The following ZNF66 variants were observed in gnomAD, a reference collection of about 807,000 sequenced individuals.
ZNF66 encodes zinc finger protein 66, also known as putative zinc finger protein 66.
ZNF66 carries 32 observed loss-of-function variants against 35.2 expected under a neutral mutation model. The ratio of observed to expected loss-of-function variants is 0.91; its 90% CI spans 0.69 to 1.22. ZNF66 has a LOEUF of 1.22. Among genes scored for constraint, ZNF66 ranks in the 50% most tolerant of loss-of-function variants. ZNF66 has a pLI of 0.00. For synonymous variants in ZNF66, 231 were observed against 181.3 expected (o/e 1.27, Z -2.20); for missense variants, 666 against 543.1 (o/e 1.23, Z -2.25).
chr19:20,803,289 GTC>G (rs1971467705), intron 3 of ZNF66, among the ~76,000 whole-genome samples: 1 of 148,584 alleles, frequency 6.7e-6, no homozygotes, highest in South Asian at 2.1e-4. Context: ...TTGTGTCTTT[GTC>G]TCTCATTTTC....
rs552864159 is a variant in ZNF66, at chr19:20,808,626, G to A, written c.*1304G>A. Among the ~76,000 whole-genome samples the A allele has an allele frequency of 9.9e-5, 15 of 152,260 alleles. 1 individual carries two copies. The South Asian group carries it at 3.1e-3, about 32-fold the overall frequency. On this transcript the variant is annotated 3_prime_UTR_variant, in exon 4 of 4. Coordinates refer to ENST00000344519, the MANE Select transcript of ZNF66 (RefSeq NM_001355197.2). ...TCTAGCAAACTCCAACAGACCTGCA[G>A]CTGAGGGTCCTGTCTGTTAGAAGGA...
intron 3 of ZNF66, chr19:20,794,406 C>G (rs2081889): frequency 0.13 from 19,926 of 151,356 alleles, 1,541 homozygotes; most frequent in African/African-American, 0.2. Flanking sequence ...TCTTTTTCCT[C>G]AAGATTGCTT....
rs868477346 is a variant in ZNF66 at position 20,807,747 on chromosome 19, T to C, written c.*425T>C. On this transcript the variant is annotated 3_prime_UTR_variant, in exon 4 of 4. Transcript: ENST00000344519. Reference sequence around the variant, plus strand: ...GGGGGGTGGAGCCAAGATGGCTGAATAGGTACAGCTCCTGTCTACAGCTCC... The same window carrying C: ...GGGGGGTGGAGCCAAGATGGCTGAACAGGTACAGCTCCTGTCTACAGCTCC... Among the ~76,000 whole-genome samples the C allele has an allele frequency of 3.6e-4, 55 of 152,128 alleles. No homozygotes were observed. The highest frequency in any genetic ancestry group is 3.4e-3 in the Middle Eastern group (1 of 294).
rs765240708 is a variant in ZNF66, at chr19:20,806,398, T to TAA, written c.799_800dup (p.Arg268SerfsTer39). ...AATGTGAAGAATGTGGCAAGGCCTT[T>TAA]AAGCGCTCCTCTATCCTTACTACAC... On this transcript the variant is annotated frameshift_variant, in exon 4 of 4. Transcript: ENST00000344519. LOFTEE classifies it high-confidence loss of function. The TAA allele has an allele frequency of 3.2e-6, 5 of 1,567,664 alleles. No individual in the cohort carries two copies. In the African/African-American group the frequency reaches 6.7e-5, roughly 21 times the overall value.
chr19:20,789,845 G>GT (rs541150511), intron 1 of ZNF66, among the ~76,000 whole-genome samples: 101 of 152,294 alleles, frequency 6.6e-4, no homozygotes, highest in African/African-American at 2.4e-3. Context: ...TGAGCACACA[G>GT]TATCTGTTTA....
At chr19:20,801,358 T>TATTTTATTTTATTTTA (rs1971445918) in intron 3 of ZNF66, among the ~76,000 whole-genome samples, 1 of 152,066 alleles carries the variant, frequency 6.6e-6, no homozygotes, top group East Asian at 1.9e-4. Flanking sequence ...TATTTTATTT[T>TATTTTATTTTATTTTA]TTGAGATGGA....
In ZNF66 at chr19:20,807,436, A is replaced by G. The variant is rs992230757; in HGVS notation, c.*114A>G. On this transcript the variant is annotated 3_prime_UTR_variant, in exon 4 of 4. Coordinates refer to ENST00000344519, the MANE Select transcript of ZNF66 (RefSeq NM_001355197.2). Reference sequence around the variant, plus strand: ...CTATCAACTTTTACTAAATATGAGAATTTATGGAACACAAACACTACAAAT... The same window carrying G: ...CTATCAACTTTTACTAAATATGAGAGTTTATGGAACACAAACACTACAAAT... 1.8e-6 allele frequency: 1 copy of G among 548,562 alleles called. No individual in the cohort carries two copies. Among genetic ancestry groups the G allele is most frequent in the East Asian group, 2.9e-5 (1 of 34,624 alleles). The allele number at this position is 548,562 out of a possible 1,614,324, so 34.0% of individuals were successfully genotyped here. A position where few individuals can be genotyped will look rare whatever the true frequency, so the allele number is the denominator to read the frequency against.
intron 1 of ZNF66, among the ~76,000 whole-genome samples, chr19:20,781,883 G>A (rs1175185544): frequency 1.3e-5 from 2 of 151,744 alleles, no homozygotes; most frequent in East Asian, 3.9e-4. Flanking sequence ...TTTTTTAATG[G>A]CCACAGAGTA....
chr19:20,777,223 T>TTG (rs1465855057), intron 1 of ZNF66, among the ~76,000 whole-genome samples: 1 of 151,974 alleles, frequency 6.6e-6, no homozygotes, highest in Non-Finnish European at 1.5e-5. Flanking sequence ...AGTTTGTAGT[T>TTG]TGTGGTCCAT....
chr19:20,806,714 G>A lies in ZNF66; in HGVS notation c.1114G>A (p.Glu372Lys). The change falls in exon 4 of 4, where the codon GAA becomes AAA. Residue 372 changes from glutamate (E) to lysine (K), a missense_variant. Physicochemically the swap from Glu to Lys is moderately conservative, Grantham distance 56. Coordinates refer to ENST00000344519, the MANE Select transcript of ZNF66 (RefSeq NM_001355197.2). ...TACTGGAGAGAAACCCTACAAATGT[G>A]AAGAATGTGGTGAAGCCTTTAAGTA... Reference protein sequence around the residue: ...IHTGEKPYKCEECGEAFKYSC... With the variant: ...IHTGEKPYKCKECGEAFKYSC... 1 of 1,440,488 alleles carries A rather than the reference G, an allele frequency of 6.9e-7. No individual in the cohort carries two copies. 89.2% of individuals were successfully genotyped at this position (1,440,488 alleles called of 1,614,324 possible).
chr19:20,784,700 A>G (rs1396509846), intron 1 of ZNF66: 2 of 152,232 alleles, frequency 1.3e-5, no homozygotes, highest in Non-Finnish European at 2.9e-5. Flanking sequence ...ACTTTATAAA[A>G]TTATTCTTTC....
chr19:20,791,496 A>AAAAAAAAG (rs1568496132), intron 1 of ZNF66, among the ~76,000 whole-genome samples: 1 of 149,606 alleles, frequency 6.7e-6, no homozygotes, highest in Non-Finnish European at 1.5e-5. Context: ...AAAAAAAAAA[A>AAAAAAAAG]AAAAAAAAAG....
At chr19:20,803,536 T>C (rs62125623) in intron 3 of ZNF66, among the ~76,000 whole-genome samples, 14,297 of 149,656 alleles carry the variant, frequency 0.096, 771 homozygotes, top group Middle Eastern at 0.14. Context: ...ATATTTTTTA[T>C]GTTTGTATAT....
intron 3 of ZNF66, among the ~76,000 whole-genome samples, chr19:20,797,189 A>ATTTTTTTTTTTTTTTTT (rs142052913): frequency 6.6e-5 from 3 of 45,480 alleles, no homozygotes; most frequent in Non-Finnish European, 8.3e-5. Flanking sequence ...TGCATGCTAG[A>ATTTTTTTTTTTTTTTTT]TTTTTTTTTT....
At position 20,808,334 on chromosome 19, in the gene ZNF66, AGCTTT is replaced by A. The variant is rs1333356159; in HGVS notation, c.*1014_*1018del. Among the ~76,000 whole-genome samples, 1 of 152,234 alleles carries A rather than the reference AGCTTT, an allele frequency of 6.6e-6. No individual in the cohort carries two copies. Among genetic ancestry groups the A allele is most frequent in the Non-Finnish European group, 1.5e-5 (1 of 68,042 alleles). ...GCAGACTTAAACGTCCCTGTCTGAC[AGCTTT>A]GAAGAGAGTAGTGGTTCTCCCAGCA... On this transcript the variant is annotated 3_prime_UTR_variant, in exon 4 of 4. Coordinates refer to ENST00000344519, the MANE Select transcript of ZNF66 (RefSeq NM_001355197.2).
Position 20,809,448 on chromosome 19 carries a change from C to T in ZNF66, c.*2126C>T, listed in dbSNP as rs936453174. Among the ~76,000 whole-genome samples the T allele has an allele frequency of 2.0e-5, 3 of 152,092 alleles. No homozygotes were observed. Among genetic ancestry groups the T allele is most frequent in the Non-Finnish European group, 2.9e-5 (2 of 68,026 alleles). ...CCAGAGAGAAAGGTCGGGTTACCCACAAAGGGAAGCCCATCAGACTCACAG... is the reference window on the plus strand; with the variant it reads ...CCAGAGAGAAAGGTCGGGTTACCCATAAAGGGAAGCCCATCAGACTCACAG... On this transcript the variant is annotated 3_prime_UTR_variant, in exon 4 of 4. Transcript: ENST00000344519.
intron 2 of ZNF66, 47 bp from the exon 3 acceptor site, chr19:20,793,736 T>C: frequency 2.9e-6 from 2 of 697,718 alleles, no homozygotes; most frequent in South Asian, 3.4e-5. Flanking sequence ...TAGCTTGTAA[T>C]TGGAGAATGT....
chr19:20,787,387 C>T (rs1246606721), intron 1 of ZNF66, among the ~76,000 whole-genome samples: 3 of 152,102 alleles, frequency 2.0e-5, no homozygotes, highest in African/African-American at 7.2e-5. Context: ...GGGATCTCTA[C>T]TTAGATTGTA....
intron 1 of ZNF66, among the ~76,000 whole-genome samples, chr19:20,778,460 T>C (rs1037996456): frequency 2.2e-4 from 34 of 152,190 alleles, no homozygotes; most frequent in African/African-American, 7.7e-4. Context: ...AAGAAGTAGA[T>C]ATATATGCTT....
Sources: allele counts gnomAD v4.1 joint callset (sites outside exome capture counted in the v4.1 genomes callset), GRCh38; gene constraint gnomAD v4.1.1; transcripts MANE v1.5; gene names NCBI Gene and HGNC (gene_info 2026-07-23, HGNC 2026-07-21).